Variants in CACNA1E observed in about 807,000 individuals in gnomAD.
CACNA1E encodes voltage-dependent R-type calcium channel subunit alpha-1E.
In CACNA1E, 40 loss-of-function variants were observed where a neutral mutation model predicts 259.2. The ratio of observed to expected loss-of-function variants is 0.15; its 90% CI spans 0.12 to 0.20. The LOEUF is 0.20. CACNA1E is among the 10% of genes least tolerant of loss of function. CACNA1E has a pLI of 1.00. For missense variants in CACNA1E, 1,874 were observed against 3,040.1 expected, an observed-to-expected ratio of 0.62 and a Z score of 9.02; for synonymous variants, 1,104 against 1,138.5, an observed-to-expected ratio of 0.97 and a Z score of 0.61.
intron 25 of CACNA1E, among the ~76,000 whole-genome samples, chr1:181,744,425 T>G (rs1214974607): frequency 4.6e-5 from 7 of 152,134 alleles, no homozygotes; most frequent in South Asian, 2.1e-4. Context: ...GAGAATATGG[T>G]CCTCTGGTTC....
chr1:181,781,955 T>A (rs950405728), intron 39 of CACNA1E, among the ~76,000 whole-genome samples: 2 of 152,174 alleles, frequency 1.3e-5, no homozygotes, highest in Non-Finnish European at 2.9e-5. Flanking sequence ...ATGCAGAAAT[T>A]CCTTTAAACG....
At chr1:181,724,987 G>A (rs1456317330) in intron 17 of CACNA1E, among the ~76,000 whole-genome samples, 1 of 152,188 alleles carries the variant, frequency 6.6e-6, no homozygotes, top group Admixed American at 6.5e-5. Context: ...TATTCCAGTA[G>A]GCAAAGGTCA....
chr1:181,603,448 T>C lies in CACNA1E; in HGVS notation c.951+22672T>C, dbSNP rs1369302891. 2.0e-5 allele frequency among the ~76,000 whole-genome samples: 3 copies of C among 152,134 alleles called. No homozygotes were observed. In the East Asian group the frequency reaches 5.8e-4, roughly 29 times the overall value. On this transcript the variant is annotated intron_variant, in intron 6 of 47. Coordinates refer to ENST00000367573, the MANE Select transcript of CACNA1E (RefSeq NM_001205293.3). ...CACTTATGTGTTACATTTTGATGTG[T>C]GGTATTGTTGTGGGGAGTAGCTAGC...
intron 7 of CACNA1E, among the ~76,000 whole-genome samples, chr1:181,666,549 T>G (rs972173321): frequency 2.0e-5 from 3 of 152,142 alleles, no homozygotes; most frequent in African/African-American, 7.2e-5. Flanking sequence ...TTTACTAAAT[T>G]ATATTAAAAT....
At chr1:181,611,898 G>C (rs1654784431) in intron 6 of CACNA1E, among the ~76,000 whole-genome samples, 1 of 152,146 alleles carries the variant, frequency 6.6e-6, no homozygotes, top group Non-Finnish European at 1.5e-5. Context: ...GATCATCTCT[G>C]ATGAAATTCT....
At chr1:181,321,985 C>T (rs1241003166) in intron 1 of CACNA1E, among the ~76,000 whole-genome samples, 1 of 152,184 alleles carries the variant, frequency 6.6e-6, no homozygotes, top group African/African-American at 2.4e-5. Context: ...CGCCTTTTCT[C>T]TTCCCTTCTA....
At chr1:181,344,698 T>A (rs1218580012) in intron 1 of CACNA1E, among the ~76,000 whole-genome samples, 2 of 152,186 alleles carry the variant, frequency 1.3e-5, no homozygotes, top group Non-Finnish European at 2.9e-5. Flanking sequence ...CCACTTGACA[T>A]GAATGTTGGA....
At chr1:181,376,405 C>T (rs188516837) in intron 1 of CACNA1E, among the ~76,000 whole-genome samples, 15 of 152,296 alleles carry the variant, frequency 9.8e-5, no homozygotes, top group Non-Finnish European at 1.9e-4. Flanking sequence ...ATTGCATTGG[C>T]CTATTGCATG....
intron 25 of CACNA1E, among the ~76,000 whole-genome samples, chr1:181,747,073 T>C (rs1657155047): frequency 6.6e-6 from 1 of 152,252 alleles, no homozygotes; most frequent in African/African-American, 2.4e-5. Context: ...GACACATTAG[T>C]GAGACACTCG....
chr1:181,629,449 T>C (rs1656494198), intron 6 of CACNA1E, among the ~76,000 whole-genome samples: 1 of 152,156 alleles, frequency 6.6e-6, no homozygotes, highest in Non-Finnish European at 1.5e-5. Context: ...TCTATATTCA[T>C]GAAGTAGGAG....
At chr1:181,345,120 G>A (rs1652487830) in intron 1 of CACNA1E, among the ~76,000 whole-genome samples, 1 of 152,258 alleles carries the variant, frequency 6.6e-6, no homozygotes, top group Non-Finnish European at 1.5e-5. Flanking sequence ...CCCTGCCTCA[G>A]CTGCAGCCTG....
At chr1:181,354,650 G>C (rs549953437) in intron 1 of CACNA1E, among the ~76,000 whole-genome samples, 3 of 152,334 alleles carry the variant, frequency 2.0e-5, no homozygotes, top group South Asian at 4.1e-4. Flanking sequence ...ACACTGAGCT[G>C]CAGGTCTTGC....
At position 181,577,850 on chromosome 1, in the gene CACNA1E, G is replaced by A. The variant is rs780204306; in HGVS notation, c.597G>A (p.Lys199=). The change falls in exon 4 of 48, where the codon AAG becomes AAA. Residue 199 remains lysine (K), a synonymous_variant. Coordinates refer to ENST00000367573, the MANE Select transcript of CACNA1E (RefSeq NM_001205293.3). The part of the protein sequence containing the change: ...LRAVRVLRPL[K]LVSGIPSLQI... ...CTGTGCGTGTCCTGCGGCCTTTGAA[G>A]CTCGTGTCAGGGATACCTAGTGAGC... 2 of 1,609,854 alleles carry A rather than the reference G, an allele frequency of 1.2e-6. No individual in the cohort carries two copies. The highest frequency in any genetic ancestry group is 4.5e-5 in the East Asian group (2 of 44,780).
intron 3 of CACNA1E, among the ~76,000 whole-genome samples, chr1:181,517,424 C>T (rs143169038): frequency 3.6e-4 from 54 of 152,098 alleles, no homozygotes; most frequent in African/African-American, 1.2e-3. Context: ...TGGGGAGCCA[C>T]GGAAGGCTTT....
chr1:181,714,131 A>G (rs1653663171), intron 8 of CACNA1E, among the ~76,000 whole-genome samples: 1 of 152,176 alleles, frequency 6.6e-6, no homozygotes, highest in Non-Finnish European at 1.5e-5. Context: ...CCCACTTTAG[A>G]TGGCAGCCAA....
chr1:181,659,300 G>A (rs991716547), intron 7 of CACNA1E, among the ~76,000 whole-genome samples: 8 of 152,190 alleles, frequency 5.3e-5, no homozygotes, highest in African/African-American at 1.9e-4. Context: ...TTGGTGGGAG[G>A]AAGGCTGTGA....
chr1:181,798,466 G>A lies in CACNA1E; in HGVS notation c.6574G>A (p.Gly2192Ser). The change falls in exon 48 of 48, where the codon GGC becomes AGC. Residue 2192 changes from glycine (G) to serine (S), a missense_variant. Gly to Ser is a moderately conservative substitution (Grantham distance 56). This residue lies in a region of CACNA1E where 542 missense variants were observed against 587.2 expected (regional missense o/e 0.92). Coordinates refer to ENST00000367573, the MANE Select transcript of CACNA1E (RefSeq NM_001205293.3). The surrounding 1 kb of genome is among the most constrained non-coding windows in gnomAD (Gnocchi z 4.2). ...TCCACCTGCTGATGGAAGCGAGGAG[G>A]GCTCCCCGCTGACCTCCCAAGCTCT... ...ISPPADGSEE[G>S]SPLTSQALES... 1.2e-6 allele frequency: 2 copies of A among 1,613,830 alleles called. No individual in the cohort carries two copies. Among genetic ancestry groups the A allele is most frequent in the Non-Finnish European group, 1.7e-6 (2 of 1,179,868 alleles).
chr1:181,762,690 T>C (rs1262959543), intron 33 of CACNA1E, 33 bp downstream of exon 33: 1 of 1,364,594 alleles, frequency 7.3e-7, no homozygotes, highest in Admixed American at 1.8e-5. Context: ...GTCTGTAAGC[T>C]TGGCCCTGGA....
chr1:181,326,469 A>G (rs1650804935), intron 1 of CACNA1E, among the ~76,000 whole-genome samples: 3 of 152,144 alleles, frequency 2.0e-5, no homozygotes, highest in Admixed American at 1.3e-4. Context: ...ATGGTGTCTC[A>G]TGGGTGCTCC....
Sources: allele counts gnomAD v4.1 joint callset (sites outside exome capture counted in the v4.1 genomes callset), GRCh38; gene constraint gnomAD v4.1.1; regional missense constraint gnomAD v4.1.1; non-coding constraint Gnocchi (gnomAD v3.1); transcripts MANE v1.5; gene names NCBI Gene and HGNC (gene_info 2026-07-23, HGNC 2026-07-21).